The following IMPDH1 variants were observed in gnomAD, a reference collection of about 807,000 sequenced individuals.
The protein encoded by IMPDH1 is inosine-5'-monophosphate dehydrogenase 1.
A neutral mutation model predicts 73.5 loss-of-function variants in IMPDH1; 41 were observed. That is an observed-to-expected ratio of 0.56 (90% CI 0.43 to 0.72). IMPDH1 has a LOEUF of 0.72. Ranked by LOEUF, IMPDH1 falls within the 30% of genes least tolerant of loss-of-function variation. The pLI, the probability that IMPDH1 is intolerant of heterozygous loss-of-function variation, is 0.00. For missense variants in IMPDH1, 645 were observed against 824.8 expected (o/e 0.78, Z 2.67); for synonymous variants, 318 against 334.3 (o/e 0.95, Z 0.53).
In IMPDH1 at chr7:128,398,707, G is replaced by A; in HGVS notation, c.875-94C>T. On this transcript the variant is annotated intron_variant, in intron 9 of 16. Transcript: ENST00000338791. The surrounding 1 kb of genome is among the most constrained non-coding windows in gnomAD (Gnocchi z 4.3). ...GTGAAGATGAAAGTGGACCACTCCA[G>A]AGATTCCACTGAAGTACCCCAGTCA... 1 of 1,015,408 alleles carries A rather than the reference G, an allele frequency of 9.8e-7. No homozygotes were observed. Among genetic ancestry groups the A allele is most frequent in the Non-Finnish European group, 1.5e-6 (1 of 651,588 alleles). The allele number at this position is 1,015,408 out of a possible 1,614,324, so 62.9% of individuals were successfully genotyped here.
At chr7:128,403,896 T>G in intron 4 of IMPDH1, 142 bp from the exon 5 acceptor site, 3 of 743,310 alleles carry the variant, frequency 4.0e-6, no homozygotes, top group Non-Finnish European at 4.8e-6. Flanking sequence ...TACTGCCCCA[T>G]CAGGGCAGTT....
intron 7 of IMPDH1, 57 bp downstream of exon 7, chr7:128,400,760 G>T: frequency 5.5e-6 from 8 of 1,452,152 alleles, no homozygotes; most frequent in South Asian, 4.6e-5. Flanking sequence ...GGCTGGGAGG[G>T]CCTCTGAGGT....
Position 128,409,965 on chromosome 7 carries a change from A to G in IMPDH1, c.-64T>C. 2 of 1,286,216 alleles carry G rather than the reference A, an allele frequency of 1.6e-6. No homozygotes were observed. Among genetic ancestry groups the G allele is most frequent in the Non-Finnish European group, 2.0e-6 (2 of 1,013,990 alleles). The allele number at this position is 1,286,216 out of a possible 1,614,324, so 79.7% of individuals were successfully genotyped here. ...CTCCCGGGGCCCCGGCTGGGCAGTG[A>G]GCGCAGCCCGGTCGAGTCCCGAGGA... is the stretch of plus-strand genomic sequence containing the variant. On this transcript the variant is annotated 5_prime_UTR_variant, in exon 1 of 17. Coordinates refer to ENST00000338791, the MANE Select transcript of IMPDH1 (RefSeq NM_000883.4).
chr7:128,394,317 A>T lies in IMPDH1; in HGVS notation c.1739T>A (p.Met580Lys). Residue 580 changes from methionine (M) to lysine (K), a missense_variant, in exon 16 of 17, where the codon ATG becomes AAG. Met to Lys is a moderately conservative substitution (Grantham distance 95, BLOSUM62 -1). Coordinates refer to ENST00000338791, the MANE Select transcript of IMPDH1 (RefSeq NM_000883.4). This position sits in a 1 kb window ranked among gnomAD's most constrained non-coding sequence, Gnocchi z 5.5. ...GACACCACCCTCAATCTGGGCCGAC[A>T]TGGTCCGCTTCTCAAACTTGAGCTC... ...SGELKFEKRT[M>K]SAQIEGGVHG... The T allele has an allele frequency of 1.9e-6, 3 of 1,614,092 alleles. No homozygotes were observed. The highest frequency in any genetic ancestry group is 2.5e-6 in the Non-Finnish European group (3 of 1,180,004).
rs1174558432 is a variant in IMPDH1 at position 128,394,611 on chromosome 7, G to A, written c.1551-12C>T. 6.2e-7 allele frequency: 1 copy of A among 1,613,008 alleles called. No homozygotes were observed. Among genetic ancestry groups the A allele is most frequent in the Non-Finnish European group, 8.5e-7 (1 of 1,179,956 alleles). ...CTTTATCCCCCTCGCTGCGTGGAGG[G>A]TGGAAGACTGAGCCCAGCAGCTTGA... is the stretch of plus-strand genomic sequence containing the variant. On this transcript the variant is annotated splice_polypyrimidine_tract_variant and intron_variant, in intron 14 of 16. Transcript: ENST00000338791. This position sits in a 1 kb window ranked among gnomAD's most constrained non-coding sequence, Gnocchi z 5.5.
In IMPDH1 at chr7:128,395,298, G is replaced by A. The variant is rs1423344685; in HGVS notation, c.1262-24C>T. ...CACTGGGGGAGGGTGGGGTGCACAA[G>A]GCAGAGAAGAGTCAACAGCAACTCC... On this transcript the variant is annotated intron_variant, in intron 12 of 16. Transcript: ENST00000338791. The A allele has an allele frequency of 1.9e-6, 3 of 1,612,022 alleles. No individual in the cohort carries two copies. The African/African-American group carries it at 4.0e-5, about 22-fold the overall frequency.
chr7:128,407,998 G>A (rs964177332), intron 3 of IMPDH1, among the ~76,000 whole-genome samples: 1 of 152,002 alleles, frequency 6.6e-6, no homozygotes, highest in Non-Finnish European at 1.5e-5. Context: ...GGGTTAGGCT[G>A]TGCTTTTCCA....
chr7:128,407,183 C>G (rs1335692982), intron 3 of IMPDH1, among the ~76,000 whole-genome samples: 2 of 152,110 alleles, frequency 1.3e-5, no homozygotes, highest in South Asian at 4.1e-4. Context: ...GACACAGTCC[C>G]CTCCCTGGCT....
In IMPDH1 at chr7:128,396,786, C is replaced by A; in HGVS notation, c.1166-91G>T. On this transcript the variant is annotated intron_variant, in intron 11 of 16. Coordinates refer to ENST00000338791, the MANE Select transcript of IMPDH1 (RefSeq NM_000883.4). This position sits in a 1 kb window ranked among gnomAD's most constrained non-coding sequence, Gnocchi z 4.0. ...CTTGGGACCCCAGTCTAGCACCCCC[C>A]AACCCCCCTACAGTGACCAAAGCCC... 1.6e-6 allele frequency: 2 copies of A among 1,260,532 alleles called. No individual in the cohort carries two copies. The highest frequency in any genetic ancestry group is 2.3e-6 in the Non-Finnish European group (2 of 885,118). The allele number at this position is 1,260,532 out of a possible 1,614,324, so 78.1% of individuals were successfully genotyped here. A position where few individuals can be genotyped will look rare whatever the true frequency, so the allele number is the denominator to read the frequency against.
chr7:128,404,520 T>C (rs1016497150), intron 4 of IMPDH1, among the ~76,000 whole-genome samples: 3 of 151,994 alleles, frequency 2.0e-5, no homozygotes, highest in Non-Finnish European at 4.4e-5. Context: ...CAGCAGGCCT[T>C]GAGAGACACA....
intron 5 of IMPDH1, among the ~76,000 whole-genome samples, chr7:128,403,487 G>A (rs993486943): frequency 2.6e-5 from 4 of 151,780 alleles, no homozygotes; most frequent in African/African-American, 7.3e-5. Flanking sequence ...GAATCTGGGA[G>A]GTGGAGGCTG....
At position 128,408,779 on chromosome 7, in the gene IMPDH1, C is replaced by G. The variant is rs146828782; in HGVS notation, c.254+510G>C. 3.6e-3 allele frequency among the ~76,000 whole-genome samples: 553 copies of G among 152,316 alleles called. 2 individuals are homozygous for G. The highest frequency in any genetic ancestry group is 0.013 in the African/African-American group (529 of 41,564). On this transcript the variant is annotated intron_variant, in intron 3 of 16. Coordinates refer to ENST00000338791, the MANE Select transcript of IMPDH1 (RefSeq NM_000883.4). Reference sequence around the variant, plus strand: ...CGCCCTGCGGCCTGAACCCCAGGAGCTGGATTTCTAGGACAGGAGAAAGGC... The same window carrying G: ...CGCCCTGCGGCCTGAACCCCAGGAGGTGGATTTCTAGGACAGGAGAAAGGC...
chr7:128,393,848 G>A, intron 16 of IMPDH1: 1 of 303,258 alleles, frequency 3.3e-6, no homozygotes, highest in Non-Finnish European at 6.4e-6. Context: ...CTGCCAACGA[G>A]CACTGCCCCC....
intron 7 of IMPDH1, 61 bp from the exon 8 acceptor site, chr7:128,400,600 G>A (rs1013567765): frequency 1.3e-6 from 2 of 1,493,836 alleles, no homozygotes; most frequent in Non-Finnish European, 1.9e-6. Context: ...GTCCAGGCTG[G>A]CCACAGGGAA....
intron 5 of IMPDH1, among the ~76,000 whole-genome samples, chr7:128,402,075 AAGG>A (rs1394111824): frequency 1.3e-5 from 2 of 151,840 alleles, no homozygotes; most frequent in Non-Finnish European, 2.9e-5. Flanking sequence ...GCCACAGGAC[AAGG>A]AGATCCTTGC....
intron 4 of IMPDH1, 36 bp downstream of exon 4, chr7:128,405,731 A>C (rs1260023301): frequency 5.9e-6 from 9 of 1,519,780 alleles, no homozygotes; most frequent in Non-Finnish European, 7.9e-6. Flanking sequence ...CGGCGCGTGG[A>C]TGCGCGCACC....
In IMPDH1 at chr7:128,394,251, T is replaced by A. The variant is rs72624972; in HGVS notation, c.1778+27A>T. The A allele has an allele frequency of 3.8e-6, 6 of 1,592,234 alleles. No individual in the cohort carries two copies. The African/African-American group carries it at 8.1e-5, about 21-fold the overall frequency. On this transcript the variant is annotated intron_variant, in intron 16 of 16. Coordinates refer to ENST00000338791, the MANE Select transcript of IMPDH1 (RefSeq NM_000883.4). This position sits in a 1 kb window ranked among gnomAD's most constrained non-coding sequence, Gnocchi z 5.5. Reference sequence around the variant, plus strand: ...ACCTGCCCAACCCACTGCCTCCAAGTGACAGCAAGGAGGCCACCACACTTA... The same window carrying A: ...ACCTGCCCAACCCACTGCCTCCAAGAGACAGCAAGGAGGCCACCACACTTA...
At chr7:128,408,267 AGGCCTG>A (rs1798906587) in intron 3 of IMPDH1, among the ~76,000 whole-genome samples, 3 of 152,178 alleles carry the variant, frequency 2.0e-5, no homozygotes, top group Non-Finnish European at 4.4e-5. Flanking sequence ...GGGCTCTATC[AGGCCTG>A]GGGCTATTTG....
chr7:128,394,577 C>T lies in IMPDH1; in HGVS notation c.1573G>A (p.Ala525Thr), dbSNP rs367951647. Residue 525 changes from alanine (A) to threonine (T), a missense_variant, in exon 15 of 17, where the codon GCG (alanine) becomes ACG (threonine). Ala to Thr is a moderately conservative substitution (Grantham distance 58). Transcript: ENST00000338791. The surrounding 1 kb of genome is among the most constrained non-coding windows in gnomAD (Gnocchi z 5.5). ...YFSEGDKVKI[A>T]QGVSGSIQDK... ...TGGATGGAGCCCGAGACACCCTGCG[C>T]GATCTTCACTTTATCCCCCTCGCTG... 9.9e-6 allele frequency: 16 copies of T among 1,613,666 alleles called. No individual in the cohort carries two copies. In the East Asian group the frequency reaches 2.0e-4, roughly 20 times the overall value.
Sources: gnomAD v4.1 joint callset for allele counts (sites outside exome capture counted in the v4.1 genomes callset) on GRCh38, gnomAD v4.1.1 for gene constraint, Gnocchi (gnomAD v3.1) non-coding constraint, MANE v1.5 for transcripts, NCBI Gene and HGNC (gene_info 2026-07-23, HGNC 2026-07-21) for gene names.